The following GRID1 variants were observed in gnomAD, a reference collection of about 807,000 sequenced individuals.
The protein encoded by GRID1 is glutamate ionotropic receptor delta type subunit 1, also known as glutamate receptor ionotropic, delta-1.
A neutral mutation model predicts 98.0 loss-of-function variants in GRID1; 28 were observed. The ratio of observed to expected loss-of-function variants is 0.29; its 90% CI spans 0.21 to 0.39. The LOEUF (loss-of-function observed/expected upper bound fraction) is 0.39, where lower values mean the gene tolerates loss of function less well. GRID1 is among the 10% of genes least tolerant of loss of function. The pLI, the probability that GRID1 is intolerant of heterozygous loss-of-function variation, is 1.00. For missense variants in GRID1, 1,111 were observed against 1,340.5 expected (o/e 0.83, Z 2.67); for synonymous variants, 553 against 538.5 (o/e 1.03, Z -0.37).
intron 12 of GRID1, among the ~76,000 whole-genome samples, 196 bp downstream of exon 12, chr10:85,722,807 T>G (rs1045258852): frequency 2.6e-5 from 4 of 152,190 alleles, no homozygotes; most frequent in Non-Finnish European, 4.4e-5. Flanking sequence ...TTTAATGAAT[T>G]TATACATTTA....
chr10:85,814,182 C>T (rs553992720), intron 8 of GRID1, among the ~76,000 whole-genome samples: 8 of 151,810 alleles, frequency 5.3e-5, no homozygotes, highest in Non-Finnish European at 1.0e-4. Flanking sequence ...CAATACCCTG[C>T]CATGGGCTGC....
chr10:85,628,319 G>A (rs1232269306), intron 13 of GRID1, among the ~76,000 whole-genome samples: 3 of 152,026 alleles, frequency 2.0e-5, no homozygotes, highest in Non-Finnish European at 4.4e-5. Flanking sequence ...ATGTGTAAGT[G>A]TGAGGGAATG....
intron 2 of GRID1, among the ~76,000 whole-genome samples, chr10:86,333,350 T>A (rs561570578): frequency 6.6e-6 from 1 of 152,266 alleles, no homozygotes; most frequent in Admixed American, 6.5e-5. Flanking sequence ...GCTTCTAGGA[T>A]AATTTCCCAT....
intron 5 of GRID1, among the ~76,000 whole-genome samples, chr10:85,885,910 T>C (rs922314628): frequency 2.0e-5 from 3 of 152,208 alleles, no homozygotes; most frequent in Non-Finnish European, 4.4e-5. Flanking sequence ...TTCAGGACAG[T>C]AGCTGTCCCT....
chr10:85,832,835 C>T (rs945854309), intron 8 of GRID1, among the ~76,000 whole-genome samples: 4 of 152,108 alleles, frequency 2.6e-5, no homozygotes, highest in African/African-American at 9.7e-5. Flanking sequence ...ACAAGCAATA[C>T]CAAAAGGACA....
At chr10:86,012,714 C>T (rs1016219723) in intron 4 of GRID1, among the ~76,000 whole-genome samples, 8 of 151,344 alleles carry the variant, frequency 5.3e-5, no homozygotes, top group Non-Finnish European at 1.0e-4. Flanking sequence ...AAAGAGGCTC[C>T]TGAGAGCTTT....
intron 2 of GRID1, among the ~76,000 whole-genome samples, chr10:86,285,412 G>A (rs1847416966): frequency 6.6e-6 from 1 of 152,180 alleles, no homozygotes; most frequent in South Asian, 2.1e-4. Context: ...CCACAAAGAG[G>A]ATGCAGCCAG....
At chr10:86,237,453 C>T (rs2132039638) in intron 2 of GRID1, among the ~76,000 whole-genome samples, 1 of 152,326 alleles carries the variant, frequency 6.6e-6, no homozygotes, top group East Asian at 1.9e-4. Flanking sequence ...GTAATCCCAA[C>T]ACTTTTGGAG....
At chr10:86,312,809 G>A (rs1414582428) in intron 2 of GRID1, among the ~76,000 whole-genome samples, 2 of 152,218 alleles carry the variant, frequency 1.3e-5, no homozygotes, top group African/African-American at 4.8e-5. Context: ...TCTGCAGTAG[G>A]GGGGTGTCAG....
At chr10:86,126,282 C>T (rs1400939958) in intron 4 of GRID1, among the ~76,000 whole-genome samples, 1 of 152,062 alleles carries the variant, frequency 6.6e-6, no homozygotes, top group East Asian at 1.9e-4. Flanking sequence ...AGCGAAACCC[C>T]GTCTCTACTA....
intron 4 of GRID1, among the ~76,000 whole-genome samples, chr10:86,056,352 T>C (rs1843572523): frequency 2.6e-5 from 4 of 152,148 alleles, no homozygotes; most frequent in Admixed American, 2.6e-4. Flanking sequence ...GCAACAAAGA[T>C]CTCCCAAGGA....
intron 4 of GRID1, among the ~76,000 whole-genome samples, chr10:86,108,278 TA>T (rs1844424052): frequency 6.6e-6 from 1 of 152,166 alleles, no homozygotes; most frequent in African/African-American, 2.4e-5. Flanking sequence ...CACTTCAATA[TA>T]ACCTCTTTGC....
intron 2 of GRID1, among the ~76,000 whole-genome samples, chr10:86,266,826 C>T (rs114848920): frequency 0.012 from 1,839 of 152,296 alleles, 35 homozygotes; most frequent in African/African-American, 0.041. Flanking sequence ...CTCATGAGGC[C>T]TACTACTTCC....
chr10:85,988,048 G>T (rs1297757375), intron 4 of GRID1, among the ~76,000 whole-genome samples: 2 of 152,084 alleles, frequency 1.3e-5, no homozygotes, highest in East Asian at 1.9e-4. Context: ...CTGCTGAATA[G>T]AAATGAATAT....
rs546305635 is a variant in GRID1 at position 86,346,506 on chromosome 10, G to A, written c.235+17435C>T. Among the ~76,000 whole-genome samples the A allele has an allele frequency of 1.8e-4, 27 of 152,314 alleles. 1 individual carries two copies. Among genetic ancestry groups the A allele is most frequent in the South Asian group, 1.7e-3 (8 of 4,826 alleles). On this transcript the variant is annotated intron_variant, in intron 2 of 15. Transcript: ENST00000327946. ...GATAAACGTCTCTGAGTAGCCAGCC[G>A]CCTAATGAGACTGTCAGGGGACTTC...
At chr10:85,967,338 G>GAGAA (rs3057905) in intron 4 of GRID1, among the ~76,000 whole-genome samples, 19,895 of 151,480 alleles carry the variant, frequency 0.13, 1,392 homozygotes, top group Admixed American at 0.22. Flanking sequence ...ACCACCAAAA[G>GAGAA]AGAAAGAAAG....
At chr10:86,355,880 C>T (rs769265680) in intron 2 of GRID1, among the ~76,000 whole-genome samples, 7 of 152,324 alleles carry the variant, frequency 4.6e-5, no homozygotes, top group South Asian at 4.2e-4. Context: ...GCTGCCACTT[C>T]GTGGGGCAGC....
intron 15 of GRID1, among the ~76,000 whole-genome samples, chr10:85,609,605 G>T (rs1330047766): frequency 1.3e-5 from 2 of 152,188 alleles, no homozygotes; most frequent in Non-Finnish European, 2.9e-5. Context: ...GACAGAGGCT[G>T]CCCACAGCCA....
chr10:85,991,050 C>T (rs755305220), intron 4 of GRID1, among the ~76,000 whole-genome samples: 6 of 152,096 alleles, frequency 3.9e-5, no homozygotes, highest in Non-Finnish European at 5.9e-5. Flanking sequence ...ATTCCTCTTG[C>T]GCCCTCCCTG....
Sources: allele counts gnomAD v4.1 joint callset (sites outside exome capture counted in the v4.1 genomes callset), GRCh38; gene constraint gnomAD v4.1.1; transcripts MANE v1.5; gene names NCBI Gene and HGNC (gene_info 2026-07-23, HGNC 2026-07-21).